The following LMAN1L variants were observed in gnomAD, a reference collection of about 807,000 sequenced individuals.
LMAN1L encodes protein ERGIC-53-like.
LMAN1L carries 60 observed loss-of-function variants against 58.3 expected under a neutral mutation model. The observed-to-expected ratio is 1.03, with a 90% confidence interval of 0.84 to 1.27. LMAN1L has a LOEUF of 1.27. Among genes scored for constraint, LMAN1L ranks in the 50% most tolerant of loss-of-function variants. The probability of loss-of-function intolerance (pLI) is 0.00; values close to 1 mark genes in which losing one functional copy is unlikely to be tolerated. For missense variants in LMAN1L, 629 were observed against 674.0 expected, an observed-to-expected ratio of 0.93 and a Z score of 0.74; for synonymous variants, 280 against 271.6, an observed-to-expected ratio of 1.03 and a Z score of -0.31.
Position 74,825,492 on chromosome 15 carries a change from A to T in LMAN1L, c.1468A>T (p.Ser490Cys). 1.2e-6 allele frequency: 2 copies of T among 1,612,400 alleles called. No homozygotes were observed. Among genetic ancestry groups the T allele is most frequent in the Non-Finnish European group, 1.7e-6 (2 of 1,178,706 alleles). The part of the protein sequence containing the change: ...YVHFRQELNK[S>C]LQECLSTGSL... ...TGGCAGCAGGCAGGAGCTGAACAAG[A>T]GCCTTCAGGAGTGTCTGTCCACAGG... The change falls in exon 14 of 14, where the codon AGC (serine) becomes TGC (cysteine). Residue 490 changes from serine (S) to cysteine (C), a missense_variant. This residue lies in a region of LMAN1L where 53 missense variants were observed against 59.7 expected (regional missense o/e 0.89). Coordinates refer to ENST00000309664, the MANE Select transcript of LMAN1L (RefSeq NM_021819.3).
At position 74,825,655 on chromosome 15, in the gene LMAN1L, G is replaced by A. The variant is rs749412914; in HGVS notation, c.*50G>A. On this transcript the variant is annotated 3_prime_UTR_variant, in exon 14 of 14. Transcript: ENST00000309664. The stretch of plus-strand genomic sequence containing the variant: ...CACTGGGAAGCAGGCAGTGTCTTGG[G>A]TGGGGGCTTGGTCAGTATCCTCTCC... 15 of 1,580,452 alleles carry A rather than the reference G, an allele frequency of 9.5e-6. No homozygotes were observed. In the South Asian group the frequency reaches 1.4e-4, roughly 15 times the overall value.
chr15:74,824,145 C>T (rs2063930233), intron 12 of LMAN1L: 3 of 630,658 alleles, frequency 4.8e-6, no homozygotes, highest in Admixed American at 2.6e-5. Context: ...CCCAGGCCTT[C>T]CCAGCTGTTC....
chr15:74,814,560 A>G (rs2063882059), intron 1 of LMAN1L, among the ~76,000 whole-genome samples: 1 of 152,090 alleles, frequency 6.6e-6, no homozygotes, highest in Admixed American at 6.6e-5. Context: ...CTTTTAGTAG[A>G]GATGGGGTTT....
chr15:74,824,660 C>T lies in LMAN1L; in HGVS notation c.1451+182C>T, dbSNP rs7168586. 8,870 of 644,606 alleles carry T rather than the reference C, an allele frequency of 0.014. 626 individuals are homozygous for T. In the African/African-American group the frequency reaches 0.15, roughly 11 times the overall value. The allele number at this position is 644,606 out of a possible 1,614,324, so 39.9% of individuals were successfully genotyped here. A position where few individuals can be genotyped will look rare whatever the true frequency, so the allele number is the denominator to read the frequency against. ...CACCAAGCACTACTGACCACCTGCTCGGCCCCCAGCCCCATCTGGGTCCTG... is the reference window on the plus strand; with the variant it reads ...CACCAAGCACTACTGACCACCTGCTTGGCCCCCAGCCCCATCTGGGTCCTG... On this transcript the variant is annotated intron_variant, in intron 13 of 13. Coordinates refer to ENST00000309664, the MANE Select transcript of LMAN1L (RefSeq NM_021819.3).
Position 74,816,502 on chromosome 15 carries a change from A to G in LMAN1L, c.406A>G (p.Ile136Val). The change falls in exon 3 of 14, where the codon ATC (isoleucine) becomes GTC (valine). Residue 136 changes from isoleucine to valine, a missense_variant. Physicochemically the swap from Ile to Val is conservative, Grantham distance 29. Coordinates refer to ENST00000309664, the MANE Select transcript of LMAN1L (RefSeq NM_021819.3). ...GCTGGCTTCGTGGGACGGCATCGGGATCTTCTTTGACTCTCCGGCAGAGGA... is the reference window on the plus strand; with the variant it reads ...GCTGGCTTCGTGGGACGGCATCGGGGTCTTCTTTGACTCTCCGGCAGAGGA... Reference protein sequence around the residue: ...GGLASWDGIGIFFDSPAEDTQ... With the variant: ...GGLASWDGIGVFFDSPAEDTQ... The G allele has an allele frequency of 3.2e-6, 5 of 1,550,874 alleles. No homozygotes were observed. Among genetic ancestry groups the G allele is most frequent in the Non-Finnish European group, 4.4e-6 (5 of 1,144,488 alleles).
chr15:74,820,086 A>C lies in LMAN1L; in HGVS notation c.761A>C (p.Glu254Ala). ...TCCTTCCTGACCTTCAGCCTGAGTGAGCCCAGCCCAGAGGTGATGCCAGCC... is the reference window on the plus strand; with the variant it reads ...TCCTTCCTGACCTTCAGCCTGAGTGCGCCCAGCCCAGAGGTGATGCCAGCC... ...VLSFLTFSLS[E>A]PSPEVPPQPF... is the part of the protein sequence containing the mutation. Residue 254 changes from glutamate (E) to alanine (A), a missense_variant, in exon 7 of 14, where the codon GAG becomes GCG. Physicochemically the swap from Glu to Ala is moderately radical, Grantham distance 107. Coordinates refer to ENST00000309664, the MANE Select transcript of LMAN1L (RefSeq NM_021819.3). The C allele has an allele frequency of 6.2e-7, 1 of 1,614,016 alleles. No homozygotes were observed. The highest frequency in any genetic ancestry group is 8.5e-7 in the Non-Finnish European group (1 of 1,179,932).
chr15:74,816,411 G>A lies in LMAN1L; in HGVS notation c.331-16G>A, dbSNP rs1043053123. ...TCCCACACGGTTCCCTGAGCTGAGG[G>A]GCTGGGGACCTGCAGGCCGTGTGGT... On this transcript the variant is annotated splice_polypyrimidine_tract_variant and intron_variant, in intron 2 of 13. Transcript: ENST00000309664. 1.9e-6 allele frequency: 3 copies of A among 1,568,956 alleles called. No homozygotes were observed. Among genetic ancestry groups the A allele is most frequent in the East Asian group, 4.5e-5 (2 of 44,350 alleles).
At chr15:74,815,969 C>T (rs1349259466) in intron 1 of LMAN1L, among the ~76,000 whole-genome samples, 188 bp from the exon 2 acceptor site, 2 of 152,226 alleles carry the variant, frequency 1.3e-5, no homozygotes, top group East Asian at 3.9e-4. Context: ...CATTCATTGC[C>T]CTCCCCAGCA....
intron 13 of LMAN1L, 92 bp downstream of exon 13, chr15:74,824,570 C>T (rs1255314428): frequency 2.1e-6 from 3 of 1,443,780 alleles, no homozygotes; most frequent in Admixed American, 3.5e-5. Context: ...GACACTTCAG[C>T]TCAGAGGGGA....
At chr15:74,816,964 G>A (rs1567223733) in intron 4 of LMAN1L, among the ~76,000 whole-genome samples, 4 of 152,136 alleles carry the variant, frequency 2.6e-5, no homozygotes, top group Non-Finnish European at 5.9e-5. Context: ...CTCCATAAGT[G>A]GGGGGTTATT....
At chr15:74,816,056 T>C in intron 1 of LMAN1L, 101 bp from the exon 2 acceptor site, 4 of 1,394,974 alleles carry the variant, frequency 2.9e-6, no homozygotes, top group Non-Finnish European at 3.8e-6. Context: ...GCCTTGGCAT[T>C]GTCGCCTTCT....
At chr15:74,824,776 G>A (rs2063933661) in intron 13 of LMAN1L, 1 of 302,246 alleles carries the variant, frequency 3.3e-6, no homozygotes, top group African/African-American at 2.1e-5. Flanking sequence ...GAGTGCAGGA[G>A]AACACACTTG....
rs373850264 is a variant in LMAN1L, at chr15:74,812,862, C to A, written c.8C>A (p.Ala3Glu). 6.3e-7 allele frequency: 1 copy of A among 1,595,788 alleles called. No homozygotes were observed. The highest frequency in any genetic ancestry group is 1.1e-5 in the South Asian group (1 of 89,370). ...ACTTCAGGCGCCTTCACGATGCCGG[C>A]GGTCAGTGGTCCAGGTCCCTTATTC... The part of the protein sequence containing the change: MP[A>E]VSGPGPLFCL... Residue 3 changes from alanine to glutamate, a missense_variant, in exon 1 of 14, where the codon GCG (alanine) becomes GAG (glutamate). Coordinates refer to ENST00000309664, the MANE Select transcript of LMAN1L (RefSeq NM_021819.3).
Position 74,816,206 on chromosome 15 carries a change from C to T in LMAN1L, c.225C>T (p.Asn75=), listed in dbSNP as rs992701529. 3 of 1,566,700 alleles carry T rather than the reference C, an allele frequency of 1.9e-6. No individual in the cohort carries two copies. Among genetic ancestry groups the T allele is most frequent in the Non-Finnish European group, 2.6e-6 (3 of 1,156,142 alleles). The change falls in exon 2 of 14, where the codon AAC becomes AAT. Residue 75 remains asparagine, a synonymous_variant. Transcript: ENST00000309664. ...EEVRLTPSMR[N]RSGAVWSRAS... ...TGCGGCTGACGCCATCCATGAGGAA[C>T]CGGAGTGGCGCCGTGTGGAGCAGGG...
intron 1 of LMAN1L, among the ~76,000 whole-genome samples, chr15:74,813,842 C>A (rs2063876983): frequency 1.3e-5 from 2 of 152,128 alleles, no homozygotes; most frequent in Non-Finnish European, 2.9e-5. Flanking sequence ...AATGTGAGTT[C>A]TTGGCCAGGT....
At chr15:74,823,307 G>A (rs952817790) in intron 11 of LMAN1L, among the ~76,000 whole-genome samples, 1 of 152,144 alleles carries the variant, frequency 6.6e-6, no homozygotes, top group African/African-American at 2.4e-5. Context: ...CCCAGGGGCT[G>A]GGAATGGAAG....
intron 10 of LMAN1L, 31 bp downstream of exon 10, chr15:74,821,931 CA>C: frequency 6.8e-7 from 1 of 1,470,608 alleles, no homozygotes; most frequent in Non-Finnish European, 9.5e-7. Flanking sequence ...TGTTGACCAG[CA>C]CTGGCCCCAG....
chr15:74,825,450 A>C, intron 13 of LMAN1L, 26 bp from the exon 14 acceptor site: 1 of 1,595,118 alleles, frequency 6.3e-7, no homozygotes, highest in Non-Finnish European at 8.6e-7. Flanking sequence ...GACGCAAGTA[A>C]CCTGTAACCT....
chr15:74,822,585 C>G, intron 10 of LMAN1L, 57 bp from the exon 11 acceptor site: 1 of 1,425,334 alleles, frequency 7.0e-7, no homozygotes, highest in Non-Finnish European at 9.9e-7. Flanking sequence ...GGAAGGTGGG[C>G]TCTGAGAAGA....
Sources: allele counts gnomAD v4.1 joint callset (sites outside exome capture counted in the v4.1 genomes callset), GRCh38; gene constraint gnomAD v4.1.1; regional missense constraint gnomAD v4.1.1; transcripts MANE v1.5; gene names NCBI Gene and HGNC (gene_info 2026-07-23, HGNC 2026-07-21).